METTL9: variants seen among roughly 807,000 people sequenced by gnomAD.
METTL9 encodes methyltransferase 9, His-X-His N1(pi)-histidine.
A neutral mutation model predicts 36.0 loss-of-function variants in METTL9; 10 were observed. That is an observed-to-expected ratio of 0.28 (90% confidence interval 0.17 to 0.47). The LOEUF (loss-of-function observed/expected upper bound fraction) is 0.47, where lower values mean the gene tolerates loss of function less well. Among genes scored for constraint, METTL9 ranks in the 20% least tolerant of loss-of-function variants. The pLI is 0.99. For missense variants in METTL9, 246 were observed against 383.5 expected, an observed-to-expected ratio of 0.64 and a Z score of 3.00; for synonymous variants, 175 against 149.7, an observed-to-expected ratio of 1.17 and a Z score of -1.23.
rs747997806 is a variant in METTL9 at position 21,652,555 on chromosome 16, G to T, written c.752-2672G>T. On this transcript the variant is annotated intron_variant, in intron 4 of 4. Coordinates refer to ENST00000358154, the MANE Select transcript of METTL9 (RefSeq NM_016025.5). ...ACCGACACAAAATAGAATGAGATTG[G>T]TTTGCAGATGGCGAGCGATGTTGCT... 3.4e-5 allele frequency: 54 copies of T among 1,611,860 alleles called. No individual in the cohort carries two copies. Among genetic ancestry groups the T allele is most frequent in the Non-Finnish European group, 4.4e-5 (52 of 1,178,942 alleles).
In METTL9 at chr16:21,643,780, G is replaced by A. The variant is rs565465167; in HGVS notation, c.752-11447G>A. Among the ~76,000 whole-genome samples the A allele has an allele frequency of 7.2e-5, 11 of 152,222 alleles. No homozygotes were observed. In the South Asian group the frequency reaches 8.3e-4, roughly 11 times the overall value. On this transcript the variant is annotated intron_variant, in intron 4 of 4. Transcript: ENST00000358154. ...TTAAAAACTAATTGAACAAACTGAC[G>A]TTGATTGTAGGATTTATAGTAATCC... is the stretch of plus-strand genomic sequence containing the variant.
chr16:21,631,345 G>C (rs563921073), intron 4 of METTL9, among the ~76,000 whole-genome samples: 18 of 152,186 alleles, frequency 1.2e-4, no homozygotes, highest in South Asian at 1.0e-3. Flanking sequence ...CTTTACTTTT[G>C]TTGAAAACCT....
chr16:21,599,827 C>G lies in METTL9; in HGVS notation c.94C>G (p.Leu32Val). ...GCTGCGGAGCCCGCTCACCCGCTCC[C>G]TGTACGTGAACATGACTAGCGGCCC... Reference protein sequence around the residue: ...WTLRSPLTRSLYVNMTSGPGG... With the variant: ...WTLRSPLTRSVYVNMTSGPGG... Residue 32 changes from leucine to valine, a missense_variant, in exon 1 of 5, where the codon CTG (leucine) becomes GTG (valine). Leu to Val is a conservative substitution (Grantham distance 32). Coordinates refer to ENST00000358154, the MANE Select transcript of METTL9 (RefSeq NM_016025.5). The surrounding 1 kb of genome is among the most constrained non-coding windows in gnomAD (Gnocchi z 4.4). The G allele has an allele frequency of 6.5e-7, 1 of 1,541,698 alleles. No homozygotes were observed. Among genetic ancestry groups the G allele is most frequent in the South Asian group, 1.2e-5 (1 of 83,716 alleles).
At chr16:21,644,270 T>C (rs1023727064) in intron 4 of METTL9, 2 of 1,495,112 alleles carry the variant, frequency 1.3e-6, no homozygotes, top group African/African-American at 1.4e-5. Context: ...GGACATTCCA[T>C]GCAAGAGGAT....
intron 3 of METTL9, among the ~76,000 whole-genome samples, chr16:21,620,301 G>A (rs1287575589): frequency 1.3e-5 from 2 of 152,164 alleles, no homozygotes; most frequent in Non-Finnish European, 2.9e-5. Flanking sequence ...TAAGGTTCTG[G>A]TGGGTCTGCA....
chr16:21,641,556 A>G (rs771307678), intron 4 of METTL9: 2 of 1,591,352 alleles, frequency 1.3e-6, no homozygotes, highest in Non-Finnish European at 1.7e-6. Context: ...ATAGTTGGAA[A>G]GTACTCTTCT....
chr16:21,633,381 G>T (rs1051291143), intron 4 of METTL9, among the ~76,000 whole-genome samples: 3 of 152,296 alleles, frequency 2.0e-5, no homozygotes, highest in Admixed American at 6.5e-5. Context: ...AATACTGAAG[G>T]ATCAGAGTGT....
Position 21,599,606 on chromosome 16 carries a change from G to T in METTL9, c.-128G>T. On this transcript the variant is annotated 5_prime_UTR_variant, in exon 1 of 5. Coordinates refer to ENST00000358154, the MANE Select transcript of METTL9 (RefSeq NM_016025.5). This position sits in a 1 kb window ranked among gnomAD's most constrained non-coding sequence, Gnocchi z 4.4. ...CCACCCCCAGCCTTTGCCCTGAAGG[G>T]GGCTGGATGGGCAAGGCGGCCGCGA... is the stretch of plus-strand genomic sequence containing the variant. 6 of 1,327,642 alleles carry T rather than the reference G, an allele frequency of 4.5e-6. No homozygotes were observed. Among genetic ancestry groups the T allele is most frequent in the Non-Finnish European group, 5.7e-6 (6 of 1,047,042 alleles). 82.2% of individuals were successfully genotyped at this position (1,327,642 alleles called of 1,614,324 possible).
At chr16:21,641,392 C>T (rs1966263322) in intron 4 of METTL9, 3 of 475,822 alleles carry the variant, frequency 6.3e-6, no homozygotes, top group Non-Finnish European at 1.1e-5. Flanking sequence ...AGTTTCCTTA[C>T]ATTCTGACAT....
chr16:21,632,424 A>G (rs988553819), intron 4 of METTL9, among the ~76,000 whole-genome samples: 1 of 152,126 alleles, frequency 6.6e-6, no homozygotes, highest in Non-Finnish European at 1.5e-5. Context: ...CCCATTCTCC[A>G]CAAATGAACT....
At chr16:21,644,299 G>C in intron 4 of METTL9, 2 of 1,607,998 alleles carry the variant, frequency 1.2e-6, no homozygotes, top group Non-Finnish European at 1.7e-6. Context: ...CTTTGGAGAG[G>C]AGTATGAAGG....
Position 21,643,989 on chromosome 16 carries a change from A to G in METTL9, c.752-11238A>G, listed in dbSNP as rs192477990. Among the ~76,000 whole-genome samples the G allele has an allele frequency of 2.7e-3, 406 of 152,202 alleles. 3 individuals are homozygous for G. The highest frequency in any genetic ancestry group is 4.3e-3 in the Non-Finnish European group (293 of 68,008). On this transcript the variant is annotated intron_variant, in intron 4 of 4. Transcript: ENST00000358154. ...GTAATATCTCGCCCTCCACCTGCCCACACCTCACCCCTACAGCAGAAAGAT... is the reference window on the plus strand; with the variant it reads ...GTAATATCTCGCCCTCCACCTGCCCGCACCTCACCCCTACAGCAGAAAGAT...
chr16:21,630,504 C>T (rs1437966897), intron 4 of METTL9, among the ~76,000 whole-genome samples: 1 of 152,214 alleles, frequency 6.6e-6, no homozygotes, highest in East Asian at 1.9e-4. Context: ...GTTGTCACCT[C>T]TCAATCCCCC....
rs954239867 is a variant in METTL9, at chr16:21,657,056, G to C, written c.*1624G>C. 1.3e-5 allele frequency: 2 copies of C among 151,874 alleles called. No individual in the cohort carries two copies. The highest frequency in any genetic ancestry group is 4.8e-5 in the African/African-American group (2 of 41,310). The allele number at this position is 151,874 out of a possible 1,614,324, so 9.4% of individuals were successfully genotyped here. A position where few individuals can be genotyped will look rare whatever the true frequency, so the allele number is the denominator to read the frequency against. Reference sequence around the variant, plus strand: ...TTATAAACTGTCTGTTAAAATCAGGGGTTGCTGTTAGACTGTCAAGCAGAA... The same window carrying C: ...TTATAAACTGTCTGTTAAAATCAGGCGTTGCTGTTAGACTGTCAAGCAGAA... On this transcript the variant is annotated 3_prime_UTR_variant, in exon 5 of 5. Transcript: ENST00000358154.
chr16:21,614,346 T>A (rs1232213753), intron 2 of METTL9, among the ~76,000 whole-genome samples: 1 of 152,194 alleles, frequency 6.6e-6, no homozygotes, highest in Non-Finnish European at 1.5e-5. Context: ...AAAAAGTGCT[T>A]ACATTCAACA....
At chr16:21,635,946 C>T (rs1469094188) in intron 4 of METTL9, among the ~76,000 whole-genome samples, 1 of 152,168 alleles carries the variant, frequency 6.6e-6, no homozygotes, top group Non-Finnish European at 1.5e-5. Flanking sequence ...CTGACGCATT[C>T]TCGAAAACCT....
chr16:21,633,314 C>T (rs1309653852), intron 4 of METTL9, among the ~76,000 whole-genome samples: 1 of 152,180 alleles, frequency 6.6e-6, no homozygotes, highest in African/African-American at 2.4e-5. Context: ...TTCAAGAGAT[C>T]TAGAGCAGCC....
At chr16:21,626,047 G>A (rs559822075) in intron 4 of METTL9, among the ~76,000 whole-genome samples, 1 of 152,152 alleles carries the variant, frequency 6.6e-6, no homozygotes, top group Admixed American at 6.5e-5. Context: ...GGGACTTCAG[G>A]CACATGCCAC....
intron 4 of METTL9, among the ~76,000 whole-genome samples, chr16:21,630,858 C>T (rs1172450526): frequency 6.6e-6 from 1 of 152,204 alleles, no homozygotes; most frequent in Non-Finnish European, 1.5e-5. Flanking sequence ...TGTTGCCCAA[C>T]TCCAGAGGTT....
Sources: gnomAD v4.1 joint callset for allele counts (sites outside exome capture counted in the v4.1 genomes callset) on GRCh38, gnomAD v4.1.1 for gene constraint, Gnocchi (gnomAD v3.1) non-coding constraint, MANE v1.5 for transcripts, NCBI Gene and HGNC (gene_info 2026-07-23, HGNC 2026-07-21) for gene names.